Variants in CFAP61 observed in about 807,000 individuals in gnomAD.
CFAP61 encodes the protein cilia and flagella associated protein 61, also known as cilia- and flagella-associated protein 61.
Under a neutral mutation model 135.6 loss-of-function variants are expected in CFAP61, and 107 were observed. The observed-to-expected ratio is 0.79, with a 90% CI of 0.67 to 0.93. The LOEUF (loss-of-function observed/expected upper bound fraction) is 0.93, where lower values mean the gene tolerates loss of function less well. CFAP61 is among the 40% of genes least tolerant of loss of function. The pLI is 0.00. For synonymous variants in CFAP61, 575 were observed against 578.5 expected, an observed-to-expected ratio of 0.99 and a Z score of 0.09; for missense variants, 1,507 against 1,556.2, an observed-to-expected ratio of 0.97 and a Z score of 0.53.
At chr20:20,295,692 C>A (rs1029172025) in intron 24 of CFAP61, among the ~76,000 whole-genome samples, 9 of 152,066 alleles carry the variant, frequency 5.9e-5, no homozygotes, top group Non-Finnish European at 1.0e-4. Flanking sequence ...TGCTGAATAT[C>A]CTGGGCCATC....
At position 20,109,402 on chromosome 20, in the gene CFAP61, C is replaced by T. The variant is rs1053574587; in HGVS notation, c.859+10588C>T. ...CATCTTTGCACCACCCAGCATCCCA[C>T]CACAGGTACTTGAGGCTGTTGAGCT... is the stretch of plus-strand genomic sequence containing the variant. On this transcript the variant is annotated intron_variant, in intron 8 of 26. Coordinates refer to ENST00000245957, the MANE Select transcript of CFAP61 (RefSeq NM_015585.4). Among the ~76,000 whole-genome samples, 6 of 152,318 alleles carry T rather than the reference C, an allele frequency of 3.9e-5. No individual in the cohort carries two copies. The East Asian group carries it at 1.2e-3, about 29-fold the overall frequency.
At chr20:20,130,031 T>G (rs1462575428) in intron 8 of CFAP61, among the ~76,000 whole-genome samples, 1 of 151,778 alleles carries the variant, frequency 6.6e-6, no homozygotes, top group African/African-American at 2.4e-5. Context: ...GGCTTACACC[T>G]GTAATCACAA....
At chr20:20,112,387 T>C (rs1263066235) in intron 8 of CFAP61, among the ~76,000 whole-genome samples, 2 of 152,224 alleles carry the variant, frequency 1.3e-5, no homozygotes, top group Non-Finnish European at 2.9e-5. Flanking sequence ...GGGAAAGTTA[T>C]CTCTTCTTAC....
rs151220130 is a variant in CFAP61, at chr20:20,187,646, A to T, written c.1386-284A>T. 1.4e-4 allele frequency among the ~76,000 whole-genome samples: 22 copies of T among 152,276 alleles called. 1 individual carries two copies. The highest frequency in any genetic ancestry group is 5.3e-4 in the African/African-American group (22 of 41,534). Reference sequence around the variant, plus strand: ...GGATTTTGACTCTGTTTATGAAATAAATCATAGTGCTATTTTAAATTAAAT... The same window carrying T: ...GGATTTTGACTCTGTTTATGAAATATATCATAGTGCTATTTTAAATTAAAT... On this transcript the variant is annotated intron_variant, in intron 13 of 26. Transcript: ENST00000245957.
rs115057833 is a variant in CFAP61 at position 20,220,582 on chromosome 20, T to C, written c.1933-7667T>C. The stretch of plus-strand genomic sequence containing the variant: ...CTAGGTAGACAGTGTCAGAATGGAA[T>C]TGAATCATAGGACAGACACCCTGCT... On this transcript the variant is annotated intron_variant, in intron 17 of 26. Transcript: ENST00000245957. 8.7e-3 allele frequency among the ~76,000 whole-genome samples: 1,318 copies of C among 152,180 alleles called. 21 individuals carry two copies. Among genetic ancestry groups the C allele is most frequent in the African/African-American group, 0.03 (1,263 of 41,518 alleles).
At chr20:20,072,903 C>T (rs2045822024) in intron 3 of CFAP61, among the ~76,000 whole-genome samples, 1 of 152,058 alleles carries the variant, frequency 6.6e-6, no homozygotes, top group African/African-American at 2.4e-5. Flanking sequence ...AAATATTAAA[C>T]ATTAATTCAC....
At chr20:20,286,962 C>A (rs1156989727) in intron 22 of CFAP61, among the ~76,000 whole-genome samples, 2 of 152,160 alleles carry the variant, frequency 1.3e-5, no homozygotes, top group Non-Finnish European at 2.9e-5. Context: ...GACTTCTAAA[C>A]ATTTTCAAGG....
At chr20:20,069,828 C>A in intron 2 of CFAP61, 1 of 447,338 alleles carries the variant, frequency 2.2e-6, no homozygotes. Flanking sequence ...TTTCTGTCCT[C>A]CTGTCATCTC....
At chr20:20,106,261 A>G (rs746828948) in intron 8 of CFAP61, among the ~76,000 whole-genome samples, 11 of 152,000 alleles carry the variant, frequency 7.2e-5, no homozygotes, top group African/African-American at 9.7e-5. Context: ...TGTCAGGGAC[A>G]TGACCCCAAA....
At chr20:20,133,515 A>T (rs1028437) in intron 8 of CFAP61, among the ~76,000 whole-genome samples, 137,015 of 151,992 alleles carry the variant, frequency 0.9, 62,568 homozygotes, top group Middle Eastern at 0.99. Flanking sequence ...AGGTCACATG[A>T]TTAAACCCAG....
chr20:20,183,177 TAG>T (rs1480224834), intron 13 of CFAP61, among the ~76,000 whole-genome samples: 13 of 149,412 alleles, frequency 8.7e-5, no homozygotes, highest in African/African-American at 3.0e-4. Context: ...TTTTTTTAGA[TAG>T]AGTCTCACTG....
At chr20:20,262,892 T>TC (rs2147011190) in intron 20 of CFAP61, 64 bp from the exon 21 acceptor site, 1 of 1,051,030 alleles carries the variant, frequency 9.5e-7, no homozygotes, top group East Asian at 2.6e-5. Context: ...ACTTTTTTTT[T>TC]TTTAACCACT....
At chr20:20,055,804 C>T (rs1277637837) in intron 1 of CFAP61, 5 of 647,564 alleles carry the variant, frequency 7.7e-6, no homozygotes, top group African/African-American at 1.9e-5. Context: ...ATTTCTCCTT[C>T]ATTGTTTTCC....
Position 20,056,735 on chromosome 20 carries a change from A to G in CFAP61, c.82A>G (p.Lys28Glu), listed in dbSNP as rs2146531521. Residue 28 changes from lysine (K) to glutamate (E), a missense_variant, in exon 2 of 27, where the codon AAA becomes GAA. Physicochemically the swap from Lys to Glu is moderately conservative, Grantham distance 56 (BLOSUM62 1). Coordinates refer to ENST00000245957, the MANE Select transcript of CFAP61 (RefSeq NM_015585.4). ...RTESQDVYCI[K>E]SLIRKFTCKL... ...AGAATCACAGGATGTTTATTGTATC[A>G]AAAGCCTTATTAGAAAATTTACCTG... 2 of 1,614,134 alleles carry G rather than the reference A, an allele frequency of 1.2e-6. No homozygotes were observed. Among genetic ancestry groups the G allele is most frequent in the Non-Finnish European group, 1.7e-6 (2 of 1,179,946 alleles).
chr20:20,169,279 T>C, intron 12 of CFAP61, 42 bp from the exon 13 acceptor site: 2 of 1,561,980 alleles, frequency 1.3e-6, no homozygotes, highest in Non-Finnish European at 8.7e-7. Context: ...TTGATTAATT[T>C]TTTTTATTCT....
chr20:20,290,461 T>G, intron 24 of CFAP61, 70 bp downstream of exon 24: 1 of 1,030,230 alleles, frequency 9.7e-7, no homozygotes, highest in East Asian at 2.4e-5. Context: ...ATGAAATTCT[T>G]TACTTGGAGT....
chr20:20,327,482 C>G (rs1306214408), intron 25 of CFAP61, among the ~76,000 whole-genome samples: 1 of 151,988 alleles, frequency 6.6e-6, no homozygotes, highest in Admixed American at 6.5e-5. Flanking sequence ...TGAAATGTCT[C>G]TAAAAAATAT....
At chr20:20,071,249 C>T (rs901606741) in intron 3 of CFAP61, among the ~76,000 whole-genome samples, 1 of 151,986 alleles carries the variant, frequency 6.6e-6, no homozygotes, top group Non-Finnish European at 1.5e-5. Flanking sequence ...CTAATGACGG[C>T]GGGGGAGGAA....
intron 8 of CFAP61, among the ~76,000 whole-genome samples, chr20:20,105,218 T>C (rs2048297267): frequency 6.6e-6 from 1 of 152,144 alleles, no homozygotes; most frequent in South Asian, 2.1e-4. Flanking sequence ...AAAGTCCCTG[T>C]GTCCCACCAA....
Sources: allele counts gnomAD v4.1 joint callset (sites outside exome capture counted in the v4.1 genomes callset), GRCh38; gene constraint gnomAD v4.1.1; transcripts MANE v1.5; gene names NCBI Gene and HGNC (gene_info 2026-07-23, HGNC 2026-07-21).